The following ME3 variants were observed in gnomAD, a reference collection of about 807,000 sequenced individuals.
ME3 encodes the protein malic enzyme 3, also known as NADP-dependent malic enzyme, mitochondrial.
Under a neutral mutation model 68.9 loss-of-function variants are expected in ME3, and 48 were observed. The ratio of observed to expected loss-of-function variants is 0.70; its 90% CI spans 0.55 to 0.89. The LOEUF (loss-of-function observed/expected upper bound fraction) is 0.89, where lower values mean the gene tolerates loss of function less well. ME3 is among the 40% of genes least tolerant of loss of function. ME3 has a pLI of 0.00. For synonymous variants in ME3, 320 were observed against 318.8 expected, an observed-to-expected ratio of 1.00 and a Z score of -0.04; for missense variants, 675 against 797.4, an observed-to-expected ratio of 0.85 and a Z score of 1.85.
chr11:86,447,867 A>G (rs1949406529), intron 11 of ME3, among the ~76,000 whole-genome samples: 1 of 145,654 alleles, frequency 6.9e-6, no homozygotes, highest in African/African-American at 2.4e-5. Context: ...AAAAAAAAAA[A>G]AAAAAAAAGA....
chr11:86,566,303 A>G (rs1291102943), intron 2 of ME3, among the ~76,000 whole-genome samples: 1 of 152,200 alleles, frequency 6.6e-6, no homozygotes, highest in African/African-American at 2.4e-5. Context: ...GTTTCCTCCA[A>G]AAAGTGAAGA....
chr11:86,556,276 C>G (rs1287921608), intron 4 of ME3, among the ~76,000 whole-genome samples: 1 of 152,150 alleles, frequency 6.6e-6, no homozygotes, highest in African/African-American at 2.4e-5. Flanking sequence ...AGAAATACAA[C>G]CTGAACTCTC....
chr11:86,665,177 C>G (rs1594832671), intron 2 of ME3, among the ~76,000 whole-genome samples: 1 of 152,340 alleles, frequency 6.6e-6, no homozygotes, highest in Non-Finnish European at 1.5e-5. Flanking sequence ...AACAAACAGA[C>G]AAAGTCCCTG....
chr11:86,603,363 A>G (rs1183766061), intron 2 of ME3, among the ~76,000 whole-genome samples: 29 of 152,304 alleles, frequency 1.9e-4, no homozygotes, highest in Non-Finnish European at 2.9e-4. Flanking sequence ...CATCATCACT[A>G]GCCATCAGAG....
chr11:86,598,686 C>G (rs569822844), intron 2 of ME3, among the ~76,000 whole-genome samples: 1 of 152,332 alleles, frequency 6.6e-6, no homozygotes, highest in East Asian at 1.9e-4. Flanking sequence ...AGCAGCCTAA[C>G]TGGGAGGCAC....
At chr11:86,442,488 G>A (rs952870538) in intron 14 of ME3, among the ~76,000 whole-genome samples, 3 of 152,132 alleles carry the variant, frequency 2.0e-5, no homozygotes, top group South Asian at 2.1e-4. Context: ...AGCTTTTTCC[G>A]TGATGCTATG....
chr11:86,468,859 A>G (rs1950628762), intron 7 of ME3, among the ~76,000 whole-genome samples: 1 of 152,184 alleles, frequency 6.6e-6, no homozygotes, highest in Non-Finnish European at 1.5e-5. Flanking sequence ...CTCTTTACAT[A>G]CATTATCTTA....
chr11:86,561,279 G>A (rs1046592716), intron 2 of ME3, among the ~76,000 whole-genome samples: 1 of 152,002 alleles, frequency 6.6e-6, no homozygotes, highest in African/African-American at 2.4e-5. Flanking sequence ...GGTTCATCTT[G>A]TACATTGCCA....
intron 2 of ME3, among the ~76,000 whole-genome samples, chr11:86,634,127 A>G (rs980470465): frequency 1.5e-5 from 2 of 131,526 alleles, no homozygotes; most frequent in African/African-American, 5.3e-5. Flanking sequence ...AAGGAGGAAG[A>G]AAAAAAGGAG....
Position 86,504,407 on chromosome 11 carries a change from T to A in ME3, c.543+4385A>T, listed in dbSNP as rs999077557. 4.0e-4 allele frequency among the ~76,000 whole-genome samples: 50 copies of A among 125,546 alleles called. 1 individual carries two copies. Among genetic ancestry groups the A allele is most frequent in the African/African-American group, 1.6e-3 (49 of 30,908 alleles). The allele number at this position is 125,546 out of a possible 152,430, so 82.4% of individuals were successfully genotyped here. A position where few individuals can be genotyped will look rare whatever the true frequency, so the allele number is the denominator to read the frequency against. On this transcript the variant is annotated intron_variant, in intron 5 of 14. Transcript: ENST00000543262. ...TTTTTTTTTTTTTTTTTTTTTTTTT[T>A]GAGACAGAGTCTCACTACTCTCTCC... is the stretch of plus-strand genomic sequence containing the variant.
chr11:86,603,997 A>G (rs1961201887), intron 2 of ME3, among the ~76,000 whole-genome samples: 1 of 150,760 alleles, frequency 6.6e-6, no homozygotes, highest in South Asian at 2.1e-4. Flanking sequence ...CTAATGCTAA[A>G]TGATGAGTTA....
At chr11:86,650,894 C>A (rs1208374097) in intron 2 of ME3, among the ~76,000 whole-genome samples, 1 of 152,202 alleles carries the variant, frequency 6.6e-6, no homozygotes, top group African/African-American at 2.4e-5. Flanking sequence ...TCATTCCCAC[C>A]CTAATACTGC....
intron 2 of ME3, among the ~76,000 whole-genome samples, chr11:86,606,288 A>G (rs749698512): frequency 6.6e-6 from 1 of 152,210 alleles, no homozygotes; most frequent in East Asian, 1.9e-4. Context: ...ACCTGGCTCC[A>G]TGTACACTAT....
intron 7 of ME3, among the ~76,000 whole-genome samples, chr11:86,480,160 C>T (rs1389177188): frequency 6.6e-6 from 1 of 152,174 alleles, no homozygotes; most frequent in East Asian, 1.9e-4. Context: ...ATTACAGTGC[C>T]TAGTAGAATG....
chr11:86,576,851 T>TG (rs1380957282), intron 2 of ME3, among the ~76,000 whole-genome samples: 1 of 152,210 alleles, frequency 6.6e-6, no homozygotes, highest in African/African-American at 2.4e-5. Flanking sequence ...GCAGTTATGC[T>TG]GGGGAATCAG....
At chr11:86,524,440 C>T (rs1009136794) in intron 4 of ME3, among the ~76,000 whole-genome samples, 1 of 152,112 alleles carries the variant, frequency 6.6e-6, no homozygotes, top group Non-Finnish European at 1.5e-5. Context: ...AAATCTGCAG[C>T]CTCAGTTTAA....
At chr11:86,556,518 G>A (rs374030983) in intron 4 of ME3, 35 bp downstream of exon 4, 1 of 1,600,010 alleles carries the variant, frequency 6.2e-7, no homozygotes, top group East Asian at 2.2e-5. Flanking sequence ...CTATGAGGCA[G>A]CCCCTCCCAG....
intron 2 of ME3, among the ~76,000 whole-genome samples, chr11:86,603,405 T>C (rs1412680254): frequency 1.3e-5 from 2 of 152,224 alleles, no homozygotes; most frequent in South Asian, 2.1e-4. Context: ...TGAGATACCA[T>C]CTCACACCAG....
At chr11:86,592,747 C>T (rs1012022842) in intron 2 of ME3, among the ~76,000 whole-genome samples, 1 of 152,206 alleles carries the variant, frequency 6.6e-6, no homozygotes, top group Admixed American at 6.5e-5. Context: ...TTCCTTGTTT[C>T]TGACTAGCAA....
Sources: allele counts gnomAD v4.1 joint callset (sites outside exome capture counted in the v4.1 genomes callset), GRCh38; gene constraint gnomAD v4.1.1; transcripts MANE v1.5; gene names NCBI Gene and HGNC (gene_info 2026-07-23, HGNC 2026-07-21).